The following PROSER1 variants were observed in gnomAD, a reference collection of about 807,000 sequenced individuals.
PROSER1 encodes the protein proline and serine rich 1.
A neutral mutation model predicts 71.8 loss-of-function variants in PROSER1; 36 were observed. The ratio of observed to expected loss-of-function variants is 0.50; its 90% CI spans 0.38 to 0.66. The LOEUF (loss-of-function observed/expected upper bound fraction) is 0.66. PROSER1 is among the 30% of genes least tolerant of loss of function. The probability of loss-of-function intolerance (pLI) is 0.00; values close to 1 mark genes in which losing one functional copy is unlikely to be tolerated. For synonymous variants in PROSER1, 490 were observed against 452.4 expected (o/e 1.08, Z -1.06); for missense variants, 1,107 against 1,135.0 (o/e 0.98, Z 0.35).
rs761786055 is a variant in PROSER1, at chr13:39,011,388, G to C, written c.2812C>G (p.Leu938Val). ...ATTCACTGCCACCCACTCTGGGACA[G>C]GCTTGGTTGCAAAGAAAATGGTGTT... ...PGTPFSLQPS[L>V]SQSGWQ is the part of the protein sequence containing the mutation. Residue 938 changes from leucine (L) to valine (V), a missense_variant, in exon 13 of 13, where the codon CTG becomes GTG. Physicochemically the swap from Leu to Val is conservative, Grantham distance 32. Transcript: ENST00000352251. The C allele has an allele frequency of 1.4e-5, 23 of 1,614,042 alleles. No individual in the cohort carries two copies. The African/African-American group carries it at 3.1e-4, about 22-fold the overall frequency.
rs145907115 is a variant in PROSER1 at position 39,013,222 on chromosome 13, G to C, written c.2030C>G (p.Ser677Cys). 48 of 1,614,012 alleles carry C rather than the reference G, an allele frequency of 3.0e-5. No homozygotes were observed. In the African/African-American group the frequency reaches 5.7e-4, roughly 19 times the overall value. ...ACCATGTGGTGGAAGGGAAATAGAG[G>C]AAAGAGGATTTGAACCATTTAAAGG... ...STPLNGSNPL[S>C]SISLPPHGSS... Residue 677 changes from serine to cysteine, a missense_variant, in exon 11 of 13, where the codon TCC becomes TGC. By Grantham distance (112) the Ser-to-Cys change is moderately radical (BLOSUM62 -1). Transcript: ENST00000352251.
intron 3 of PROSER1, 148 bp from the exon 4 acceptor site, chr13:39,029,523 A>G: frequency 2.1e-6 from 1 of 468,470 alleles, no homozygotes; most frequent in Non-Finnish European, 3.7e-6. Flanking sequence ...ACTCAAAAGA[A>G]AGTTCTAACA....
chr13:39,024,119 C>T (rs1196761817), intron 7 of PROSER1, among the ~76,000 whole-genome samples: 1 of 152,278 alleles, frequency 6.6e-6, no homozygotes, highest in Admixed American at 6.5e-5. Context: ...CTTGTAAATA[C>T]TTTCAACCTG....
chr13:39,016,751 T>C (rs1870025776), intron 10 of PROSER1, among the ~76,000 whole-genome samples: 1 of 152,190 alleles, frequency 6.6e-6, no homozygotes, highest in Admixed American at 6.5e-5. Flanking sequence ...TTAGTGTTCT[T>C]TACACCCCAC....
chr13:39,031,506 T>A, intron 3 of PROSER1, 57 bp downstream of exon 3: 2 of 1,226,732 alleles, frequency 1.6e-6, no homozygotes, highest in Non-Finnish European at 2.4e-6. Flanking sequence ...TACACACAAC[T>A]GGGAGAATTA....
chr13:39,037,011 C>G lies in PROSER1; in HGVS notation c.45+187G>C, dbSNP rs7317852. 4.6e-5 allele frequency among the ~76,000 whole-genome samples: 7 copies of G among 152,172 alleles called. No homozygotes were observed. In the East Asian group the frequency reaches 1.4e-3, roughly 29 times the overall value. ...TGCTGAGTCTCAAATTTGGCGTTAA[C>G]GTAACTTAATTTCTATTTGTACTGG... On this transcript the variant is annotated intron_variant, in intron 1 of 12. Coordinates refer to ENST00000352251, the MANE Select transcript of PROSER1 (RefSeq NM_025138.5).
intron 9 of PROSER1, among the ~76,000 whole-genome samples, chr13:39,018,478 A>ACT (rs200142124): frequency 0.023 from 3,067 of 134,402 alleles, 59 homozygotes; most frequent in Middle Eastern, 0.054. Flanking sequence ...AACCCGACAC[A>ACT]CACACACACA....
rs376921057 is a variant in PROSER1, at chr13:39,029,341, T to C, written c.215A>G (p.Asn72Ser). ...ACTGAAAGTGAAACAGTTGAGTATA[T>C]TGACCACTTCTGTTGGCTGGACAGC... ...MVAVQPTEVV[N>S]ILNCFTFSKD... Residue 72 changes from asparagine to serine, a missense_variant, in exon 4 of 13, where the codon AAT (asparagine) becomes AGT (serine). Transcript: ENST00000352251. 113 of 1,535,476 alleles carry C rather than the reference T, an allele frequency of 7.4e-5. No individual in the cohort carries two copies. The highest frequency in any genetic ancestry group is 1.7e-4 in the Middle Eastern group (1 of 5,864).
chr13:39,024,429 T>C (rs751613211), intron 7 of PROSER1, 44 bp downstream of exon 7: 4 of 1,365,964 alleles, frequency 2.9e-6, no homozygotes, highest in East Asian at 4.6e-5. Flanking sequence ...GGAAACTTTA[T>C]GTAGGAAGGA....
chr13:39,034,226 T>C (rs767984574), intron 1 of PROSER1, 30 bp from the exon 2 acceptor site: 8 of 1,510,048 alleles, frequency 5.3e-6, no homozygotes, highest in Non-Finnish European at 7.1e-6. Flanking sequence ...ACACACAGAG[T>C]AAAACAGCAT....
At position 39,013,455 on chromosome 13, in the gene PROSER1, AGCAGGGGTAGAT is replaced by A. The variant is rs764027283; in HGVS notation, c.1785_1796del (p.Ser596_Ala599del). On this transcript the variant is annotated inframe_deletion, in exon 11 of 13. Transcript: ENST00000352251. ...TGATCATAACAGGAAGAGTTGTTGC[AGCAGGGGTAGAT>A]GAAATATGCAGATCTGAGGTACCTG... 6.2e-7 allele frequency: 1 copy of A among 1,614,146 alleles called. No homozygotes were observed. The highest frequency in any genetic ancestry group is 1.1e-5 in the South Asian group (1 of 91,084).
intron 9 of PROSER1, among the ~76,000 whole-genome samples, chr13:39,021,396 T>C (rs560753615): frequency 6.6e-6 from 1 of 152,234 alleles, no homozygotes; most frequent in Admixed American, 6.5e-5. Flanking sequence ...CCAGCTCTCT[T>C]CAATCTGGCA....
At position 39,021,811 on chromosome 13, in the gene PROSER1, T is replaced by C. The variant is rs145164803; in HGVS notation, c.730+515A>G. On this transcript the variant is annotated intron_variant, in intron 9 of 12. Transcript: ENST00000352251. Reference sequence around the variant, plus strand: ...GTGGGGCTGATTTGGATGCCTCTCCTATGAGTTTCCATAGCACCCTAACCC... The same window carrying C: ...GTGGGGCTGATTTGGATGCCTCTCCCATGAGTTTCCATAGCACCCTAACCC... Among the ~76,000 whole-genome samples, 428 of 152,236 alleles carry C rather than the reference T, an allele frequency of 2.8e-3. 2 individuals are homozygous for C. The highest frequency in any genetic ancestry group is 9.7e-3 in the African/African-American group (404 of 41,474).
Position 39,030,898 on chromosome 13 carries a change from G to A in PROSER1, c.180+665C>T, listed in dbSNP as rs1437174891. On this transcript the variant is annotated intron_variant, in intron 3 of 12. Transcript: ENST00000352251. ...CAAGTATTAAAGAGGAGGTCAGAAA[G>A]CAGCACTAACAGACCCAGACACTTT... 7.2e-5 allele frequency among the ~76,000 whole-genome samples: 11 copies of A among 152,332 alleles called. No individual in the cohort carries two copies. The East Asian group carries it at 2.1e-3, about 29-fold the overall frequency.
At chr13:39,017,828 T>C (rs1219279460) in intron 9 of PROSER1, 1 of 290,782 alleles carries the variant, frequency 3.4e-6, no homozygotes, top group East Asian at 9.7e-5. Flanking sequence ...AAGTTTTAAA[T>C]ACACACTGTT....
intron 12 of PROSER1, 79 bp from the exon 13 acceptor site, chr13:39,011,566 A>G: frequency 7.2e-7 from 1 of 1,389,900 alleles, no homozygotes; most frequent in Non-Finnish European, 9.9e-7. Flanking sequence ...CATGCCACAC[A>G]GAGATATTCA....
intron 5 of PROSER1, 101 bp from the exon 6 acceptor site, chr13:39,026,488 C>T (rs1406098505): frequency 3.0e-5 from 20 of 660,590 alleles, no homozygotes; most frequent in Non-Finnish European, 5.2e-5. Flanking sequence ...TAAAGAACAG[C>T]ACTACATTCA....
intron 5 of PROSER1, among the ~76,000 whole-genome samples, chr13:39,026,894 T>C (rs1408032227): frequency 6.6e-6 from 1 of 152,186 alleles, no homozygotes; most frequent in African/African-American, 2.4e-5. Flanking sequence ...AACATACTAT[T>C]ACATATTTAT....
Position 39,018,396 on chromosome 13 carries a change from C to T in PROSER1, c.731-852G>A, listed in dbSNP as rs1054614830. Among the ~76,000 whole-genome samples the T allele has an allele frequency of 3.3e-5, 5 of 151,576 alleles. No homozygotes were observed. The East Asian group carries it at 7.8e-4, about 24-fold the overall frequency. ...AACCACAGCTTGTTTGAGGAATTCA[C>T]GAGCTTGACTGAGGTGACAAAAAAT... On this transcript the variant is annotated intron_variant, in intron 9 of 12. Transcript: ENST00000352251.
Sources: gnomAD v4.1 joint callset for allele counts (sites outside exome capture counted in the v4.1 genomes callset) on GRCh38, gnomAD v4.1.1 for gene constraint, MANE v1.5 for transcripts, NCBI Gene and HGNC (gene_info 2026-07-23, HGNC 2026-07-21) for gene names.